The following TCHP variants were observed in gnomAD, a reference collection of about 807,000 sequenced individuals.
TCHP encodes trichoplein keratin filament-binding protein.
A neutral mutation model predicts 88.7 loss-of-function variants in TCHP; 81 were observed. The ratio of observed to expected loss-of-function variants is 0.91; its 90% CI spans 0.76 to 1.10. The LOEUF (loss-of-function observed/expected upper bound fraction) is 1.10, where lower values mean the gene tolerates loss of function less well. Ranked by LOEUF, TCHP falls within the 50% of genes least tolerant of loss-of-function variation. The pLI is 0.00. For missense variants in TCHP, 641 were observed against 632.1 expected (o/e 1.01, Z -0.15); for synonymous variants, 232 against 232.5 (o/e 1.00, Z 0.02).
upstream of TCHP, among the ~76,000 whole-genome samples, chr12:109,896,929 T>C (rs187766197): frequency 2.0e-5 from 3 of 151,762 alleles, no homozygotes; most frequent in Non-Finnish European, 4.4e-5. Flanking sequence ...AATATATATA[T>C]AGATAGATAT....
chr12:109,910,394 G>A (rs1870418935), intron 8 of TCHP, among the ~76,000 whole-genome samples: 1 of 152,144 alleles, frequency 6.6e-6, no homozygotes, highest in South Asian at 2.1e-4. Flanking sequence ...ACGGCTCACT[G>A]CAGCCTCAAC....
the TCHP span, among the ~76,000 whole-genome samples, chr12:109,889,758 G>A: frequency 4.6e-5 from 7 of 152,306 alleles, no homozygotes; most frequent in East Asian, 3.9e-4. Flanking sequence ...ATCGATTTAC[G>A]GAGTTATTTC....
chr12:109,885,427 A>G, the TCHP span, among the ~76,000 whole-genome samples: 1 of 151,958 alleles, frequency 6.6e-6, no homozygotes, highest in Non-Finnish European at 1.5e-5. Context: ...TCATTGTATC[A>G]TAACAGATGA....
chr12:109,882,425 G>A, the TCHP span, among the ~76,000 whole-genome samples: 30 of 124,256 alleles, frequency 2.4e-4, no homozygotes, highest in African/African-American at 9.2e-4. Flanking sequence ...GCGAGACTCC[G>A]TCTAAAAAAA....
chr12:109,904,955 G>A, intron 4 of TCHP, 162 bp downstream of exon 4: 1 of 621,368 alleles, frequency 1.6e-6, no homozygotes, highest in South Asian at 2.0e-5. Flanking sequence ...AGGCTGCGCT[G>A]AGCGGCTCAT....
chr12:109,915,128 G>C (rs948124850), intron 11 of TCHP: 6 of 553,228 alleles, frequency 1.1e-5, no homozygotes, highest in African/African-American at 9.5e-5. Flanking sequence ...AGCCTCTCCA[G>C]CTTTCCACGA....
At chr12:109,891,212 G>T in the TCHP span, among the ~76,000 whole-genome samples, 1 of 152,158 alleles carries the variant, frequency 6.6e-6, no homozygotes, top group Non-Finnish European at 1.5e-5. Flanking sequence ...AAAGACCAAA[G>T]TTCCTCACTG....
chr12:109,912,884 A>AGTGTGGTCCTGCAGAAGCC (rs1870584053), intron 9 of TCHP, 107 bp from the exon 10 acceptor site: 2 of 796,684 alleles, frequency 2.5e-6, no homozygotes, highest in Non-Finnish European at 4.4e-6. Context: ...GTTTATCTGC[A>AGTGTGGTCCTGCAGAAGCC]GTGTGGTCCT....
At chr12:109,887,420 A>AC in the TCHP span, among the ~76,000 whole-genome samples, 1 of 151,732 alleles carries the variant, frequency 6.6e-6, no homozygotes, top group Non-Finnish European at 1.5e-5. Context: ...AAAAAAAAAA[A>AC]AACAAAAAAA....
At chr12:109,915,276 G>A (rs181739489) in intron 11 of TCHP, 127 bp from the exon 12 acceptor site, 46 of 1,280,720 alleles carry the variant, frequency 3.6e-5, no homozygotes, top group Non-Finnish European at 4.9e-5. Flanking sequence ...TCCTTGGCAC[G>A]TGCATTGCTG....
the TCHP span, chr12:109,880,829 C>T: frequency 6.6e-6 from 1 of 152,406 alleles, no homozygotes; most frequent in Non-Finnish European, 1.5e-5. The surrounding 1 kb of genome is among the most constrained non-coding windows in gnomAD (Gnocchi z 5.1). Context: ...CGCCCACCAG[C>T]TCGGGTTACA....
intron 8 of TCHP, among the ~76,000 whole-genome samples, chr12:109,909,396 A>G (rs947918390): frequency 2.6e-5 from 4 of 152,244 alleles, no homozygotes; most frequent in Non-Finnish European, 2.9e-5. Context: ...CTATCCCCAG[A>G]GGTGCCTGTT....
intron 10 of TCHP, 144 bp from the exon 11 acceptor site, chr12:109,914,298 A>C: frequency 1.5e-6 from 1 of 668,322 alleles, no homozygotes; most frequent in Non-Finnish European, 2.5e-6. Context: ...AAATCCTGTC[A>C]TCTGGCTCTG....
At chr12:109,886,207 G>A in the TCHP span, among the ~76,000 whole-genome samples, 3 of 151,902 alleles carry the variant, frequency 2.0e-5, no homozygotes, top group Admixed American at 6.6e-5. Context: ...GTGCGATCTC[G>A]GCTCACTAAA....
the TCHP span, among the ~76,000 whole-genome samples, chr12:109,883,514 T>C: frequency 1.3e-5 from 2 of 152,010 alleles, no homozygotes; most frequent in Non-Finnish European, 2.9e-5. Flanking sequence ...TCCCAAGCCA[T>C]CAACTAGGCT....
chr12:109,903,191 C>T lies in TCHP; in HGVS notation c.165C>T (p.Ser55=). The T allele has an allele frequency of 6.2e-7, 1 of 1,612,814 alleles. No individual in the cohort carries two copies. The highest frequency in any genetic ancestry group is 8.5e-7 in the Non-Finnish European group (1 of 1,179,062). ...GCAGCTCCAAACAGGCAGAATGGAGCTCTAAAACCTCCTACCAGCGGAGGT... is the reference window on the plus strand; with the variant it reads ...GCAGCTCCAAACAGGCAGAATGGAGTTCTAAAACCTCCTACCAGCGGAGGT... The part of the protein sequence containing the change: ...DICSSKQAEW[S]SKTSYQRSMH... The change falls in exon 2 of 13, where the codon AGC becomes AGT. Residue 55 remains serine (S), a synonymous_variant. Coordinates refer to ENST00000405876, the MANE Select transcript of TCHP (RefSeq NM_001143852.2). The surrounding 1 kb of genome is among the most constrained non-coding windows in gnomAD (Gnocchi z 4.6).
At chr12:109,891,105 CA>C in the TCHP span, among the ~76,000 whole-genome samples, 2 of 152,164 alleles carry the variant, frequency 1.3e-5, no homozygotes, top group Non-Finnish European at 2.9e-5. Flanking sequence ...ATACGGAAAA[CA>C]AAACAAATCA....
chr12:109,910,758 T>G (rs1211698785), intron 8 of TCHP, among the ~76,000 whole-genome samples: 1 of 152,180 alleles, frequency 6.6e-6, no homozygotes, highest in African/African-American at 2.4e-5. Flanking sequence ...ATAAGTGGGA[T>G]TTTTGCCAAG....
intron 11 of TCHP, 192 bp downstream of exon 11, chr12:109,914,819 C>T (rs1268862294): frequency 1.6e-5 from 9 of 555,736 alleles, no homozygotes; most frequent in East Asian, 3.1e-5. Flanking sequence ...TCCTCCATGT[C>T]GTGTGGGTGA....
Sources: allele counts gnomAD v4.1 joint callset (sites outside exome capture counted in the v4.1 genomes callset), GRCh38; gene constraint gnomAD v4.1.1; non-coding constraint Gnocchi (gnomAD v3.1); transcripts MANE v1.5; gene names NCBI Gene and HGNC (gene_info 2026-07-23, HGNC 2026-07-21).